HSD17B12: variants seen among roughly 807,000 people sequenced by gnomAD.
HSD17B12 encodes the protein very-long-chain 3-oxoacyl-CoA reductase.
In HSD17B12, 32 loss-of-function variants were observed where a neutral mutation model predicts 39.3. The observed-to-expected ratio is 0.81, with a 90% CI of 0.61 to 1.09. The LOEUF is 1.09. HSD17B12 is among the 50% of genes least tolerant of loss of function. HSD17B12 has a pLI of 0.00. For synonymous variants in HSD17B12, 150 were observed against 146.7 expected (o/e 1.02, Z -0.16); for missense variants, 342 against 382.9 (o/e 0.89, Z 0.89).
chr11:43,578,075 G>A, the HSD17B12 span, among the ~76,000 whole-genome samples: 1 of 152,186 alleles, frequency 6.6e-6, no homozygotes, highest in Non-Finnish European at 1.5e-5. Flanking sequence ...ATTAACTCCA[G>A]GAGAGGGAGA....
At chr11:43,602,132 C>T in the HSD17B12 span, among the ~76,000 whole-genome samples, 1 of 152,182 alleles carries the variant, frequency 6.6e-6, no homozygotes, top group Non-Finnish European at 1.5e-5. Flanking sequence ...GGTTCATTCA[C>T]TTCCATCTGT....
At chr11:43,659,145 C>T in the HSD17B12 span, among the ~76,000 whole-genome samples, 1 of 152,236 alleles carries the variant, frequency 6.6e-6, no homozygotes, top group African/African-American at 2.4e-5. Context: ...TCTCAGACTG[C>T]TGTGCTAGCA....
chr11:43,833,186 T>A (rs1396047098), intron 7 of HSD17B12: 1 of 152,212 alleles, frequency 6.6e-6, no homozygotes, highest in Non-Finnish European at 1.5e-5. Context: ...GTGGATGTTA[T>A]GAATCAATAC....
At chr11:43,591,193 A>G in the HSD17B12 span, among the ~76,000 whole-genome samples, 1 of 152,220 alleles carries the variant, frequency 6.6e-6, no homozygotes, top group Non-Finnish European at 1.5e-5. Flanking sequence ...CAAATATTAA[A>G]GAAATACATT....
At chr11:43,632,944 GA>G in the HSD17B12 span, among the ~76,000 whole-genome samples, 2 of 151,594 alleles carry the variant, frequency 1.3e-5, no homozygotes, top group East Asian at 1.9e-4. Flanking sequence ...TATTTAAAAA[GA>G]AAAAAAACAG....
At chr11:43,680,692 G>T, upstream of HSD17B12, 9 of 774,114 alleles carry the variant, frequency 1.2e-5, no homozygotes, top group South Asian at 1.4e-4. Flanking sequence ...ATGGCCCCGC[G>T]GGCGGGGTTT....
At chr11:43,620,688 T>C in the HSD17B12 span, among the ~76,000 whole-genome samples, 1 of 152,204 alleles carries the variant, frequency 6.6e-6, no homozygotes, top group Non-Finnish European at 1.5e-5. Context: ...ATACTAAATA[T>C]GATATGTTAC....
chr11:43,562,877 A>C, the HSD17B12 span, among the ~76,000 whole-genome samples: 1 of 152,208 alleles, frequency 6.6e-6, no homozygotes, highest in Non-Finnish European at 1.5e-5. Context: ...GTAAGGAGAA[A>C]GGGACTCAGT....
chr11:43,672,126 G>GAA, the HSD17B12 span, among the ~76,000 whole-genome samples: 1 of 152,112 alleles, frequency 6.6e-6, no homozygotes, highest in Non-Finnish European at 1.5e-5. Flanking sequence ...TCGGCTCACT[G>GAA]AAAGCTCTGC....
intron 3 of HSD17B12, among the ~76,000 whole-genome samples, chr11:43,786,280 T>A (rs1950815159): frequency 6.6e-6 from 1 of 152,200 alleles, no homozygotes; most frequent in Non-Finnish European, 1.5e-5. Context: ...TTCCATTTTG[T>A]CACACAGAAC....
At chr11:43,658,923 C>A in the HSD17B12 span, among the ~76,000 whole-genome samples, 2 of 152,222 alleles carry the variant, frequency 1.3e-5, no homozygotes, top group Non-Finnish European at 2.9e-5. Context: ...TCAAAGCTGT[C>A]AGACAGGGAC....
At chr11:43,690,208 G>A (rs1397722592) in intron 1 of HSD17B12, among the ~76,000 whole-genome samples, 1 of 150,406 alleles carries the variant, frequency 6.6e-6, no homozygotes, top group East Asian at 2.0e-4. Flanking sequence ...TGTATACTTT[G>A]CTCATTTATG....
At chr11:43,567,583 A>G in the HSD17B12 span, among the ~76,000 whole-genome samples, 2 of 152,158 alleles carry the variant, frequency 1.3e-5, no homozygotes, top group African/African-American at 4.8e-5. Context: ...AGCTCCCTCT[A>G]CTGGCTCTTT....
the HSD17B12 span, among the ~76,000 whole-genome samples, chr11:43,623,920 G>A: frequency 6.6e-6 from 1 of 151,932 alleles, no homozygotes; most frequent in Admixed American, 6.6e-5. Context: ...TCAAAATGCA[G>A]TTTTTAAAAA....
chr11:43,681,009 G>A, intron 1 of HSD17B12, 22 bp downstream of exon 1: 2 of 1,567,608 alleles, frequency 1.3e-6, no homozygotes, highest in South Asian at 2.3e-5. Context: ...GCAGCGCCGC[G>A]TCCTCGCTCC....
At chr11:43,712,711 T>C (rs4755734) in intron 1 of HSD17B12, among the ~76,000 whole-genome samples, 143,354 of 152,104 alleles carry the variant, frequency 0.94, 68,139 homozygotes, top group Middle Eastern at 1. Context: ...GGCTGTGTCA[T>C]GGGTGCGTCC....
intron 1 of HSD17B12, among the ~76,000 whole-genome samples, chr11:43,744,654 G>A (rs963445144): frequency 6.6e-6 from 1 of 152,078 alleles, no homozygotes; most frequent in Middle Eastern, 3.2e-3. Flanking sequence ...ATCAGAAAAA[G>A]GACATTCAGT....
chr11:43,634,942 G>C, the HSD17B12 span, among the ~76,000 whole-genome samples: 2 of 152,162 alleles, frequency 1.3e-5, no homozygotes, highest in African/African-American at 2.4e-5. Context: ...GGGTATTAGA[G>C]AATAACTGTT....
At chr11:43,703,620 T>C (rs1346363113) in intron 1 of HSD17B12, among the ~76,000 whole-genome samples, 1 of 152,238 alleles carries the variant, frequency 6.6e-6, no homozygotes, top group Non-Finnish European at 1.5e-5. Flanking sequence ...GTTTAGGTTT[T>C]GGATTTTTTT....
Sources: gnomAD v4.1 joint callset for allele counts (sites outside exome capture counted in the v4.1 genomes callset) on GRCh38, gnomAD v4.1.1 for gene constraint, MANE v1.5 for transcripts, NCBI Gene and HGNC (gene_info 2026-07-23, HGNC 2026-07-21) for gene names.